The following CLVS1 variants were observed in gnomAD, a reference collection of about 807,000 sequenced individuals.
CLVS1 encodes the protein clavesin-1.
Under a neutral mutation model 33.1 loss-of-function variants are expected in CLVS1, and 10 were observed. The observed-to-expected ratio is 0.30, with a 90% CI of 0.19 to 0.51. CLVS1 has a LOEUF of 0.51. CLVS1 is among the 20% of genes least tolerant of loss of function. CLVS1 has a pLI of 0.97. For missense variants in CLVS1, 343 were observed against 433.4 expected (o/e 0.79, Z 1.85); for synonymous variants, 163 against 166.1 (o/e 0.98, Z 0.14).
At chr8:61,169,452 C>A (rs2129298206) in intron 2 of CLVS1, among the ~76,000 whole-genome samples, 1 of 151,976 alleles carries the variant, frequency 6.6e-6, no homozygotes, top group Non-Finnish European at 1.5e-5. Flanking sequence ...TAATCAACTG[C>A]CAGGAAAAAA....
intron 2 of CLVS1, among the ~76,000 whole-genome samples, chr8:61,239,825 T>C (rs1160777249): frequency 1.3e-5 from 2 of 152,220 alleles, no homozygotes; most frequent in African/African-American, 4.8e-5. Flanking sequence ...ACGCAATATG[T>C]ATTTTTTAAC....
At chr8:61,160,773 C>T (rs1806736081) in intron 2 of CLVS1, among the ~76,000 whole-genome samples, 2 of 152,168 alleles carry the variant, frequency 1.3e-5, no homozygotes, top group African/African-American at 2.4e-5. Context: ...CTTGACAAAA[C>T]TTTATCCAGG....
intron 3 of CLVS1, among the ~76,000 whole-genome samples, chr8:61,388,393 G>A (rs952355933): frequency 5.3e-5 from 8 of 150,524 alleles, no homozygotes; most frequent in Non-Finnish European, 7.4e-5. Context: ...TATCATATCT[G>A]TTTGTAATAT....
intron 2 of CLVS1, among the ~76,000 whole-genome samples, chr8:61,220,562 C>T (rs1318622320): frequency 6.6e-6 from 1 of 151,830 alleles, no homozygotes; most frequent in East Asian, 1.9e-4. Flanking sequence ...ATTACTGTAG[C>T]CTTGTAATAT....
chr8:61,140,663 T>C (rs1017381682), intron 2 of CLVS1, among the ~76,000 whole-genome samples: 1 of 152,150 alleles, frequency 6.6e-6, no homozygotes, highest in African/African-American at 2.4e-5. Flanking sequence ...CCCAGGTTCA[T>C]GCCATTCTCC....
intron 1 of CLVS1, among the ~76,000 whole-genome samples, chr8:61,122,319 T>C (rs1403139860): frequency 6.6e-6 from 1 of 152,202 alleles, no homozygotes; most frequent in East Asian, 1.9e-4. Flanking sequence ...ACATAAATAA[T>C]GTTATTGCTG....
At chr8:61,495,321 G>A (rs1804231910) in intron 5 of CLVS1, among the ~76,000 whole-genome samples, 1 of 152,190 alleles carries the variant, frequency 6.6e-6, no homozygotes, top group African/African-American at 2.4e-5. Context: ...AACTGAAGCA[G>A]TGTTTCCACA....
intron 2 of CLVS1, among the ~76,000 whole-genome samples, chr8:61,326,208 T>C (rs1811379003): frequency 6.6e-6 from 1 of 152,220 alleles, no homozygotes. Flanking sequence ...TTGGGTCTGT[T>C]GTGTACTTTT....
At chr8:61,317,238 G>T (rs1811045257) in intron 2 of CLVS1, among the ~76,000 whole-genome samples, 1 of 152,292 alleles carries the variant, frequency 6.6e-6, no homozygotes, top group South Asian at 2.1e-4. Context: ...ATGGTGTCCT[G>T]TTGCTGCTGC....
intron 1 of CLVS1, among the ~76,000 whole-genome samples, chr8:61,094,934 C>T (rs1805320672): frequency 6.6e-6 from 1 of 152,198 alleles, no homozygotes; most frequent in Non-Finnish European, 1.5e-5. Context: ...CTTGGGCAAC[C>T]TGACTATAGA....
chr8:61,409,523 G>A (rs1815135596), intron 3 of CLVS1, among the ~76,000 whole-genome samples: 1 of 152,128 alleles, frequency 6.6e-6, no homozygotes, highest in African/African-American at 2.4e-5. Flanking sequence ...TTAAATAAAT[G>A]TACCACAATT....
chr8:61,251,632 T>C (rs1011924027), intron 2 of CLVS1, among the ~76,000 whole-genome samples: 5 of 152,226 alleles, frequency 3.3e-5, no homozygotes, highest in African/African-American at 1.2e-4. Flanking sequence ...TCTTCCTGGT[T>C]TCAACTTGGG....
intron 1 of CLVS1, among the ~76,000 whole-genome samples, chr8:61,088,376 G>A (rs1805163249): frequency 6.6e-6 from 1 of 151,752 alleles, no homozygotes; most frequent in African/African-American, 2.4e-5. Flanking sequence ...TGTAATCCCA[G>A]CTACTTGTGA....
chr8:61,206,796 C>T (rs929519967), intron 2 of CLVS1, among the ~76,000 whole-genome samples: 11 of 152,106 alleles, frequency 7.2e-5, no homozygotes, highest in Admixed American at 2.0e-4. Flanking sequence ...ACCTTGTTAG[C>T]CAGGATGGTC....
chr8:61,311,361 C>T (rs1361804282), intron 2 of CLVS1, among the ~76,000 whole-genome samples: 3 of 152,230 alleles, frequency 2.0e-5, no homozygotes, highest in Non-Finnish European at 4.4e-5. Flanking sequence ...CTCTACCACT[C>T]ACTCTCTAAT....
At chr8:61,295,828 A>T (rs898739012) in intron 1 of CLVS1, among the ~76,000 whole-genome samples, 1 of 152,104 alleles carries the variant, frequency 6.6e-6, no homozygotes, top group African/African-American at 2.4e-5. Context: ...TAATATACTC[A>T]TTTCATACAG....
At chr8:61,246,167 CTTTTTTTTTTTTTTTT>C (rs1188366643) in intron 2 of CLVS1, among the ~76,000 whole-genome samples, 2 of 82,210 alleles carry the variant, frequency 2.4e-5, no homozygotes, top group Admixed American at 1.7e-4. Flanking sequence ...TCCTTCCCAA[CTTTTTTTTTTTTTTTT>C]TTTTTTTTTT....
chr8:61,099,968 G>C (rs1408809326), intron 1 of CLVS1, among the ~76,000 whole-genome samples: 2 of 152,172 alleles, frequency 1.3e-5, no homozygotes, highest in Non-Finnish European at 1.5e-5. Context: ...CCAAAGAAAA[G>C]AGGGTGATAA....
rs1299541274 is a variant in CLVS1, at chr8:61,129,643, T to C, written c.-242-2127T>C. 3.3e-5 allele frequency among the ~76,000 whole-genome samples: 5 copies of C among 152,174 alleles called. No homozygotes were observed. The East Asian group carries it at 9.6e-4, about 29-fold the overall frequency. ...ATAAGGCCACTTTCTGGTTCATAGA[T>C]GGTGTCTTCTTGCTGTGTCCTTGCA... is the stretch of plus-strand genomic sequence containing the variant. On this transcript the variant is annotated intron_variant, in intron 1 of 2. Transcript: ENST00000522621.
Sources: allele counts gnomAD v4.1 joint callset (sites outside exome capture counted in the v4.1 genomes callset), GRCh38; gene constraint gnomAD v4.1.1; transcripts MANE v1.5; gene names NCBI Gene and HGNC (gene_info 2026-07-23, HGNC 2026-07-21).